CACNA1D: variants seen among roughly 807,000 people sequenced by gnomAD.
CACNA1D encodes the protein voltage-dependent L-type calcium channel subunit alpha-1D.
CACNA1D carries 55 observed loss-of-function variants against 257.1 expected under a neutral mutation model. The observed-to-expected ratio is 0.21, with a 90% CI of 0.17 to 0.27. The LOEUF (loss-of-function observed/expected upper bound fraction) is 0.27, where lower values mean the gene tolerates loss of function less well. Ranked by LOEUF, CACNA1D falls within the 10% of genes least tolerant of loss-of-function variation. The pLI, the probability that CACNA1D is intolerant of heterozygous loss-of-function variation, is 1.00. For synonymous variants in CACNA1D, 980 were observed against 1,014.9 expected (o/e 0.97, Z 0.65); for missense variants, 1,876 against 2,784.0 (o/e 0.67, Z 7.34).
chr3:53,613,877 A>G (rs987461013), intron 3 of CACNA1D, among the ~76,000 whole-genome samples: 1 of 152,130 alleles, frequency 6.6e-6, no homozygotes, highest in Non-Finnish European at 1.5e-5. Context: ...TAACCAGGAG[A>G]CAGAAATCAC....
Position 53,645,613 on chromosome 3 carries a change from A to G in CACNA1D, c.484-5166A>G, listed in dbSNP as rs532467072. Among the ~76,000 whole-genome samples, 16 of 152,306 alleles carry G rather than the reference A, an allele frequency of 1.1e-4. No homozygotes were observed. In the South Asian group the frequency reaches 2.5e-3, roughly 24 times the overall value. On this transcript the variant is annotated intron_variant, in intron 3 of 47. Transcript: ENST00000350061. ...TGTATTCTTGGCACCTCTGTCAAAG[A>G]TCAGTTGACCATAAATGCCTGGATT...
At chr3:53,573,190 G>A (rs568691165) in intron 3 of CACNA1D, among the ~76,000 whole-genome samples, 55 of 152,256 alleles carry the variant, frequency 3.6e-4, no homozygotes, top group African/African-American at 1.2e-3. Flanking sequence ...TTTCTTGACA[G>A]CATCATTTAT....
At chr3:53,501,358 C>T (rs538586686) in intron 2 of CACNA1D, among the ~76,000 whole-genome samples, 1 of 152,032 alleles carries the variant, frequency 6.6e-6, no homozygotes, top group African/African-American at 2.4e-5. Flanking sequence ...AGTGTGCAGC[C>T]GAAGAATGAG....
intron 10 of CACNA1D, among the ~76,000 whole-genome samples, chr3:53,719,487 C>T (rs1405230019): frequency 6.6e-6 from 1 of 152,118 alleles, no homozygotes; most frequent in Non-Finnish European, 1.5e-5. Flanking sequence ...TCATTTTGGC[C>T]CCTGCATCAC....
intron 25 of CACNA1D, 116 bp from the exon 26 acceptor site, chr3:53,747,186 C>CGGGGG: frequency 2.7e-6 from 2 of 738,422 alleles, no homozygotes; most frequent in South Asian, 1.7e-5. Flanking sequence ...GTGTGACAGG[C>CGGGGG]GGGCGGACTG....
chr3:53,621,508 A>G (rs1437966190), intron 3 of CACNA1D, among the ~76,000 whole-genome samples: 3 of 152,244 alleles, frequency 2.0e-5, no homozygotes, highest in Non-Finnish European at 4.4e-5. Flanking sequence ...AATCAAGGCA[A>G]TAAGTGTAAC....
chr3:53,802,107 A>C, intron 42 of CACNA1D, 40 bp from the exon 43 acceptor site: 6 of 1,537,786 alleles, frequency 3.9e-6, no homozygotes, highest in Non-Finnish European at 5.4e-6. Flanking sequence ...ATTAACTTTT[A>C]TCTTCTCCCT....
intron 3 of CACNA1D, among the ~76,000 whole-genome samples, chr3:53,618,652 T>G (rs1315240940): frequency 4.6e-5 from 7 of 152,212 alleles, no homozygotes; most frequent in African/African-American, 1.7e-4. Context: ...AGCACTGCAC[T>G]TTGGGCTCCA....
intron 8 of CACNA1D, among the ~76,000 whole-genome samples, chr3:53,688,782 G>A (rs2094495077): frequency 6.6e-6 from 1 of 152,134 alleles, no homozygotes; most frequent in South Asian, 2.1e-4. Context: ...TCATTCCTTC[G>A]AATTTCTGCT....
chr3:53,629,259 C>T (rs969134056), intron 3 of CACNA1D, among the ~76,000 whole-genome samples: 2 of 152,196 alleles, frequency 1.3e-5, no homozygotes, highest in Non-Finnish European at 2.9e-5. Flanking sequence ...TGAATTTAGC[C>T]CAAGATGGTA....
chr3:53,524,002 G>T (rs539078226), intron 3 of CACNA1D, among the ~76,000 whole-genome samples: 22 of 152,280 alleles, frequency 1.4e-4, no homozygotes, highest in Non-Finnish European at 2.4e-4. Context: ...TCATTTTTAG[G>T]AGAACTCCCT....
intron 3 of CACNA1D, among the ~76,000 whole-genome samples, chr3:53,596,203 A>G (rs899037457): frequency 2.6e-5 from 4 of 152,020 alleles, no homozygotes; most frequent in Admixed American, 2.0e-4. Context: ...CTGGATTCGA[A>G]TTCTGGACAT....
intron 4 of CACNA1D, among the ~76,000 whole-genome samples, chr3:53,656,174 T>C (rs1214708292): frequency 6.6e-6 from 1 of 152,206 alleles, no homozygotes; most frequent in Non-Finnish European, 1.5e-5. Context: ...CTGTTTTGGT[T>C]ACTGCAGCCC....
At chr3:53,542,927 C>T (rs1476412257) in intron 3 of CACNA1D, among the ~76,000 whole-genome samples, 1 of 152,018 alleles carries the variant, frequency 6.6e-6, no homozygotes, top group Non-Finnish European at 1.5e-5. Flanking sequence ...TGGCGCATGC[C>T]TGTAATCCCA....
At chr3:53,767,273 C>G (rs1184420619) in intron 30 of CACNA1D, among the ~76,000 whole-genome samples, 1 of 152,084 alleles carries the variant, frequency 6.6e-6, no homozygotes, top group African/African-American at 2.4e-5. Context: ...TTTAAAATTC[C>G]CAACATGGAG....
At chr3:53,527,014 G>A (rs1166567448) in intron 3 of CACNA1D, among the ~76,000 whole-genome samples, 1 of 152,170 alleles carries the variant, frequency 6.6e-6, no homozygotes, top group Non-Finnish European at 1.5e-5. Context: ...TGAGGGTAAC[G>A]TGTTAGAAAG....
At chr3:53,778,409 G>T (rs2095409033) in intron 37 of CACNA1D, among the ~76,000 whole-genome samples, 1 of 152,240 alleles carries the variant, frequency 6.6e-6, no homozygotes, top group East Asian at 1.9e-4. Context: ...CTGGCTGCCT[G>T]TGCTGGTTTT....
intron 9 of CACNA1D, among the ~76,000 whole-genome samples, chr3:53,716,443 A>G (rs2094818812): frequency 6.6e-6 from 1 of 151,906 alleles, no homozygotes; most frequent in Non-Finnish European, 1.5e-5. Context: ...CAACCTCCTC[A>G]CCTTTCTGCT....
intron 29 of CACNA1D, among the ~76,000 whole-genome samples, chr3:53,754,300 A>C (rs1237490995): frequency 6.6e-6 from 1 of 152,216 alleles, no homozygotes; most frequent in Non-Finnish European, 1.5e-5. Context: ...GGAGGGAGTG[A>C]ATTCAGTTCC....
Sources: gnomAD v4.1 joint callset for allele counts (sites outside exome capture counted in the v4.1 genomes callset) on GRCh38, gnomAD v4.1.1 for gene constraint, MANE v1.5 for transcripts, NCBI Gene and HGNC (gene_info 2026-07-23, HGNC 2026-07-21) for gene names.